Variants in ESR1 observed in about 807,000 individuals in gnomAD.
ESR1 encodes the protein estrogen receptor.
A neutral mutation model predicts 52.7 loss-of-function variants in ESR1; 12 were observed. That is an observed-to-expected ratio of 0.23 (90% CI 0.15 to 0.37). The LOEUF (loss-of-function observed/expected upper bound fraction) is 0.37. Ranked by LOEUF, ESR1 falls within the 10% of genes least tolerant of loss-of-function variation. The probability of loss-of-function intolerance (pLI) is 1.00; values close to 1 mark genes in which losing one functional copy is unlikely to be tolerated. For synonymous variants in ESR1, 305 were observed against 316.8 expected, an observed-to-expected ratio of 0.96 and a Z score of 0.39; for missense variants, 584 against 779.7, an observed-to-expected ratio of 0.75 and a Z score of 2.99.
intron 4 of ESR1, among the ~76,000 whole-genome samples, chr6:151,965,463 G>A (rs924194874): frequency 6.6e-6 from 1 of 152,146 alleles, no homozygotes; most frequent in Non-Finnish European, 1.5e-5. Flanking sequence ...TACCTAAAAG[G>A]TTATCCTTAG....
At chr6:151,953,317 C>T (rs185371910) in intron 4 of ESR1, among the ~76,000 whole-genome samples, 125 of 152,184 alleles carry the variant, frequency 8.2e-4, no homozygotes, top group African/African-American at 2.8e-3. Flanking sequence ...GAGGTTACAT[C>T]GTAGTGATGA....
chr6:151,850,041 T>TACAA (rs1786151792), intron 2 of ESR1, among the ~76,000 whole-genome samples: 6 of 50,610 alleles, frequency 1.2e-4, no homozygotes, highest in African/African-American at 5.6e-4. Flanking sequence ...TATATATATA[T>TACAA]AATTTTATAT....
chr6:152,063,146 A>G (rs1199014471), intron 6 of ESR1, among the ~76,000 whole-genome samples: 1 of 152,100 alleles, frequency 6.6e-6, no homozygotes, highest in African/African-American at 2.4e-5. Flanking sequence ...CAGACTAGTT[A>G]AACTTTCATA....
At chr6:151,905,954 T>C (rs1797379209) in intron 3 of ESR1, among the ~76,000 whole-genome samples, 1 of 152,108 alleles carries the variant, frequency 6.6e-6, no homozygotes, top group South Asian at 2.1e-4. Flanking sequence ...AGCGTTCCAT[T>C]ATTGGAACGC....
At chr6:152,081,708 A>G (rs1235051983) in intron 6 of ESR1, among the ~76,000 whole-genome samples, 2 of 152,070 alleles carry the variant, frequency 1.3e-5, no homozygotes, top group African/African-American at 2.4e-5. Flanking sequence ...GAAAAGATCA[A>G]CAAAATTGAT....
intron 4 of ESR1, among the ~76,000 whole-genome samples, chr6:151,980,819 T>A (rs2039922622): frequency 6.6e-6 from 1 of 152,200 alleles, no homozygotes; most frequent in Non-Finnish European, 1.5e-5. Flanking sequence ...TTCTCCTGCC[T>A]CAACCTCCCA....
intron 5 of ESR1, among the ~76,000 whole-genome samples, chr6:152,020,674 C>G (rs2043568881): frequency 6.6e-6 from 1 of 152,094 alleles, no homozygotes; most frequent in African/African-American, 2.4e-5. Flanking sequence ...TGGTCTGGAA[C>G]TCCTGGCCTC....
At chr6:152,025,840 TAGGTAACTGATGCTC>T (rs1163866549) in intron 5 of ESR1, among the ~76,000 whole-genome samples, 1 of 152,018 alleles carries the variant, frequency 6.6e-6, no homozygotes. Context: ...TTTCATGATA[TAGGTAACTGATGCTC>T]AGAATTTTCT....
At chr6:151,691,589 A>G (rs1778948132) in intron 1 of ESR1, among the ~76,000 whole-genome samples, 1 of 152,206 alleles carries the variant, frequency 6.6e-6, no homozygotes, top group Non-Finnish European at 1.5e-5. Context: ...AAGGTGCCAG[A>G]TTTTTAATGC....
At chr6:152,022,622 T>G (rs1354843211) in intron 5 of ESR1, among the ~76,000 whole-genome samples, 1 of 152,044 alleles carries the variant, frequency 6.6e-6, no homozygotes, top group Non-Finnish European at 1.5e-5. Flanking sequence ...TTAAGGCAGT[T>G]TTTTGAGAAG....
At chr6:152,069,418 T>TA (rs1436152450) in intron 6 of ESR1, among the ~76,000 whole-genome samples, 1 of 136,834 alleles carries the variant, frequency 7.3e-6, no homozygotes, top group Non-Finnish European at 1.5e-5. Context: ...GGGTTTTTTT[T>TA]AGCATCAAAG....
At chr6:151,949,481 A>G (rs2036087193) in intron 4 of ESR1, among the ~76,000 whole-genome samples, 1 of 152,222 alleles carries the variant, frequency 6.6e-6, no homozygotes, top group South Asian at 2.1e-4. Context: ...TTGGCAAGGT[A>G]ATGAAAGATA....
intron 1 of ESR1, among the ~76,000 whole-genome samples, chr6:151,681,724 C>G (rs898641359): frequency 6.6e-6 from 1 of 152,152 alleles, no homozygotes; most frequent in Non-Finnish European, 1.5e-5. Context: ...TCCAGGCCGC[C>G]GCTTCCAAGG....
chr6:152,033,605 C>T (rs1293132662), intron 5 of ESR1, among the ~76,000 whole-genome samples: 1 of 152,210 alleles, frequency 6.6e-6, no homozygotes, highest in Non-Finnish European at 1.5e-5. Flanking sequence ...TACCATCTCA[C>T]ACCAGTTAGA....
At chr6:152,007,816 C>T (rs1387259605) in intron 4 of ESR1, among the ~76,000 whole-genome samples, 2 of 152,102 alleles carry the variant, frequency 1.3e-5, no homozygotes, top group African/African-American at 4.8e-5. Context: ...ACTGATACCT[C>T]TCCTTATGTC....
chr6:152,006,731 C>T (rs888094187), intron 4 of ESR1, among the ~76,000 whole-genome samples: 9 of 151,096 alleles, frequency 6.0e-5, no homozygotes, highest in African/African-American at 2.2e-4. Flanking sequence ...AAAGCCAATA[C>T]AGAAAAAAAA....
chr6:151,890,638 A>C (rs1406400250), intron 3 of ESR1, among the ~76,000 whole-genome samples: 4 of 152,240 alleles, frequency 2.6e-5, no homozygotes, highest in Non-Finnish European at 5.9e-5. Context: ...ATATCAATTA[A>C]TATTTGTTTC....
At chr6:152,118,441 C>T (rs997665242) in intron 6 of ESR1, 9 of 152,166 alleles carry the variant, frequency 5.9e-5, no homozygotes, top group African/African-American at 1.7e-4. Context: ...AGAATGAGTT[C>T]TTGTCCTTTG....
At chr6:152,006,012 G>C (rs1234726903) in intron 4 of ESR1, among the ~76,000 whole-genome samples, 1 of 152,018 alleles carries the variant, frequency 6.6e-6, no homozygotes, top group East Asian at 1.9e-4. Flanking sequence ...ATATGGGATG[G>C]GGGTCAGGGT....
Sources: allele counts gnomAD v4.1 joint callset (sites outside exome capture counted in the v4.1 genomes callset), GRCh38; gene constraint gnomAD v4.1.1; transcripts MANE v1.5; gene names NCBI Gene and HGNC (gene_info 2026-07-23, HGNC 2026-07-21).